The following PPFIA2 variants were observed in gnomAD, a reference collection of about 807,000 sequenced individuals.
The protein encoded by PPFIA2 is PPFI scaffold protein A2, also known as liprin-alpha-2.
A neutral mutation model predicts 175.5 loss-of-function variants in PPFIA2; 46 were observed. The ratio of observed to expected loss-of-function variants is 0.26; its 90% CI spans 0.21 to 0.34. PPFIA2 has a LOEUF of 0.34. PPFIA2 is among the 10% of genes least tolerant of loss of function. The probability of loss-of-function intolerance (pLI) is 1.00; values close to 1 mark genes in which losing one functional copy is unlikely to be tolerated. For synonymous variants in PPFIA2, 568 were observed against 511.4 expected, an observed-to-expected ratio of 1.11 and a Z score of -1.49; for missense variants, 1,179 against 1,506.1, an observed-to-expected ratio of 0.78 and a Z score of 3.60.
chr12:81,267,303 G>C, intron 29 of PPFIA2: 1 of 454,494 alleles, frequency 2.2e-6, no homozygotes, highest in Non-Finnish European at 4.1e-6. Context: ...TGAGTATTTT[G>C]TTTAATCTCT....
At position 81,341,214 on chromosome 12, in the gene PPFIA2, A is replaced by G. The variant is rs755221590; in HGVS notation, c.2263-6T>C. Reference sequence around the variant, plus strand: ...TCTTCTTCCACAACTGCAATCTAGAAGCAAAAACAATACATTCAAATAAAC... The same window carrying G: ...TCTTCTTCCACAACTGCAATCTAGAGGCAAAAACAATACATTCAAATAAAC... On this transcript the variant is annotated splice_region_variant and splice_polypyrimidine_tract_variant and intron_variant, in intron 19 of 32. Coordinates refer to ENST00000549396, the MANE Select transcript of PPFIA2 (RefSeq NM_003625.5). 2 of 1,609,884 alleles carry G rather than the reference A, an allele frequency of 1.2e-6. No individual in the cohort carries two copies. Among genetic ancestry groups the G allele is most frequent in the East Asian group, 4.5e-5 (2 of 44,800 alleles).
chr12:81,602,578 G>A (rs563140536), intron 4 of PPFIA2, among the ~76,000 whole-genome samples: 7 of 151,710 alleles, frequency 4.6e-5, no homozygotes, highest in Admixed American at 1.3e-4. Context: ...CGATTTTGTT[G>A]AAAGCTAACA....
At chr12:81,670,674 G>T (rs2071232411) in intron 4 of PPFIA2, among the ~76,000 whole-genome samples, 1 of 151,676 alleles carries the variant, frequency 6.6e-6, no homozygotes, top group Non-Finnish European at 1.5e-5. Context: ...AATCTCTCAG[G>T]CCCCTGGAAA....
intron 7 of PPFIA2, among the ~76,000 whole-genome samples, chr12:81,408,967 G>T (rs942661948): frequency 6.6e-6 from 1 of 152,172 alleles, no homozygotes; most frequent in South Asian, 2.1e-4. Flanking sequence ...GGGAAAGGGG[G>T]AAAGTTTGTA....
intron 4 of PPFIA2, among the ~76,000 whole-genome samples, chr12:81,589,182 G>A (rs1029693742): frequency 6.6e-6 from 1 of 152,018 alleles, no homozygotes; most frequent in Admixed American, 6.6e-5. Flanking sequence ...TAAGGATGCA[G>A]CACCTGCCCT....
intron 5 of PPFIA2, among the ~76,000 whole-genome samples, chr12:81,447,924 G>A (rs2051623020): frequency 6.6e-6 from 1 of 152,062 alleles, no homozygotes; most frequent in Non-Finnish European, 1.5e-5. Flanking sequence ...AAAAGCTTAG[G>A]CTAATTAACA....
chr12:81,578,199 T>G (rs534298704), intron 4 of PPFIA2, among the ~76,000 whole-genome samples: 2 of 151,768 alleles, frequency 1.3e-5, no homozygotes, highest in South Asian at 2.1e-4. Flanking sequence ...AATGCCTTCA[T>G]GATCTCATTT....
intron 6 of PPFIA2, among the ~76,000 whole-genome samples, chr12:81,442,176 A>G (rs1175640261): frequency 6.6e-6 from 1 of 152,136 alleles, no homozygotes; most frequent in Non-Finnish European, 1.5e-5. Flanking sequence ...TCTTTCATAT[A>G]TTTAGAATAG....
intron 4 of PPFIA2, among the ~76,000 whole-genome samples, chr12:81,566,001 CT>C (rs2071206152): frequency 6.6e-6 from 1 of 152,128 alleles, no homozygotes; most frequent in Admixed American, 6.5e-5. Context: ...CACATCTTCT[CT>C]GTGGGAGAGA....
chr12:81,325,773 C>T lies in PPFIA2; in HGVS notation c.2642+4G>A, dbSNP rs955049672. On this transcript the variant is annotated splice_donor_region_variant and intron_variant, in intron 22 of 32. Coordinates refer to ENST00000549396, the MANE Select transcript of PPFIA2 (RefSeq NM_003625.5). ...GAAAAAGAGGGAAAAATCCCCAAACCTACTTTTTCTTTAGTCTTCGATCCT... is the reference window on the plus strand; with the variant it reads ...GAAAAAGAGGGAAAAATCCCCAAACTTACTTTTTCTTTAGTCTTCGATCCT... 2 of 1,607,256 alleles carry T rather than the reference C, an allele frequency of 1.2e-6. No individual in the cohort carries two copies. Among genetic ancestry groups the T allele is most frequent in the Admixed American group, 3.3e-5 (2 of 59,824 alleles).
At chr12:81,473,357 C>G (rs952734175) in intron 4 of PPFIA2, among the ~76,000 whole-genome samples, 1 of 152,012 alleles carries the variant, frequency 6.6e-6, no homozygotes, top group Non-Finnish European at 1.5e-5. Flanking sequence ...TGCAGTGAGC[C>G]GAGATTGAGC....
intron 8 of PPFIA2, among the ~76,000 whole-genome samples, chr12:81,400,375 A>G (rs376609445): frequency 7.9e-5 from 12 of 152,284 alleles, no homozygotes; most frequent in African/African-American, 2.9e-4. Flanking sequence ...ATTTTGATAA[A>G]GGCACATCCC....
At chr12:81,605,959 C>T (rs1401606305) in intron 4 of PPFIA2, among the ~76,000 whole-genome samples, 3 of 151,778 alleles carry the variant, frequency 2.0e-5, no homozygotes, top group Non-Finnish European at 4.4e-5. Context: ...TTTCAACCCA[C>T]GCTACACTCC....
chr12:81,336,041 A>G (rs1419187143), intron 21 of PPFIA2, among the ~76,000 whole-genome samples: 2 of 152,180 alleles, frequency 1.3e-5, no homozygotes, highest in African/African-American at 4.8e-5. Context: ...ATACACTGAT[A>G]CACATTTCAG....
intron 4 of PPFIA2, among the ~76,000 whole-genome samples, chr12:81,624,293 C>T (rs1406777119): frequency 6.6e-6 from 1 of 151,010 alleles, no homozygotes; most frequent in Non-Finnish European, 1.5e-5. Flanking sequence ...TACTCCATTC[C>T]TTAATTATTA....
chr12:81,643,011 A>G (rs924873860), intron 4 of PPFIA2, among the ~76,000 whole-genome samples: 1 of 147,370 alleles, frequency 6.8e-6, no homozygotes, highest in African/African-American at 2.5e-5. Flanking sequence ...TATATTTTAT[A>G]TAGTGTATAT....
chr12:81,426,256 C>T (rs569738662), intron 7 of PPFIA2, among the ~76,000 whole-genome samples: 5 of 152,332 alleles, frequency 3.3e-5, no homozygotes, highest in East Asian at 1.9e-4. Flanking sequence ...AAGGGTAATA[C>T]GTCCTGAGGA....
At chr12:81,626,989 T>C (rs2062789999) in intron 4 of PPFIA2, among the ~76,000 whole-genome samples, 1 of 152,082 alleles carries the variant, frequency 6.6e-6, no homozygotes, top group Non-Finnish European at 1.5e-5. Context: ...AGGTCTCATT[T>C]GATGTGCTTG....
At chr12:81,672,359 G>T (rs907605214) in intron 4 of PPFIA2, among the ~76,000 whole-genome samples, 2 of 151,660 alleles carry the variant, frequency 1.3e-5, no homozygotes, top group Non-Finnish European at 2.9e-5. Flanking sequence ...ATATAATTTG[G>T]TCTAAACAGC....
Sources: allele counts gnomAD v4.1 joint callset (sites outside exome capture counted in the v4.1 genomes callset), GRCh38; gene constraint gnomAD v4.1.1; transcripts MANE v1.5; gene names NCBI Gene and HGNC (gene_info 2026-07-23, HGNC 2026-07-21).